ARHGAP6: variants seen among roughly 807,000 people sequenced by gnomAD.
ARHGAP6 encodes rho GTPase-activating protein 6.
In ARHGAP6, 16 loss-of-function variants were observed where a neutral mutation model predicts 55.7. That is an observed-to-expected ratio of 0.29 (90% CI 0.19 to 0.44). The LOEUF (loss-of-function observed/expected upper bound fraction) is 0.44, where lower values mean the gene tolerates loss of function less well. Ranked by LOEUF, ARHGAP6 falls within the 20% of genes least tolerant of loss-of-function variation. The pLI is 1.00. For missense variants in ARHGAP6, 698 were observed against 808.9 expected (o/e 0.86, Z 1.66); for synonymous variants, 382 against 360.9 (o/e 1.06, Z -0.66).
chrX:11,219,353 T>C (rs1602894478), intron 2 of ARHGAP6, among the ~76,000 whole-genome samples: 1 of 102,727 alleles, frequency 9.7e-6, no homozygotes, highest in Non-Finnish European at 2.0e-5. Context: ...AACATACGTG[T>C]GCATGTGTCT....
chrX:11,659,477 T>C (rs2052672899), intron 1 of ARHGAP6, among the ~76,000 whole-genome samples: 1 of 111,211 alleles, frequency 9.0e-6, no homozygotes, highest in East Asian at 2.8e-4. Flanking sequence ...TCCCACTAGA[T>C]GCCGGTAGGA....
chrX:11,212,874 G>C (rs1157650607), intron 2 of ARHGAP6, among the ~76,000 whole-genome samples: 1 of 112,536 alleles, frequency 8.9e-6, no homozygotes, highest in Admixed American at 9.3e-5. Context: ...GCTCCTCTGA[G>C]GGCCTGAGTC....
intron 1 of ARHGAP6, among the ~76,000 whole-genome samples, chrX:11,333,682 C>T (rs371433799): frequency 8.9e-6 from 1 of 111,785 alleles, no homozygotes; most frequent in East Asian, 2.8e-4. Flanking sequence ...GAAAAAGCAC[C>T]TTTTATTTTC....
At chrX:11,505,704 G>C (rs774225532) in intron 1 of ARHGAP6, among the ~76,000 whole-genome samples, 2 of 111,787 alleles carry the variant, frequency 1.8e-5, no homozygotes, top group South Asian at 7.6e-4. Flanking sequence ...ATACACCATG[G>C]AATACTATGC....
intron 9 of ARHGAP6, among the ~76,000 whole-genome samples, chrX:11,158,261 A>G (rs1171868543): frequency 8.9e-6 from 1 of 111,756 alleles, no homozygotes; most frequent in African/African-American, 3.3e-5. Context: ...AGGCAATGAA[A>G]ACCCTGGAGG....
intron 1 of ARHGAP6, among the ~76,000 whole-genome samples, chrX:11,320,534 T>C (rs1273035743): frequency 9.1e-6 from 1 of 110,338 alleles, no homozygotes; most frequent in Admixed American, 9.7e-5. Context: ...ACAGATGAAG[T>C]CACAGCAAAG....
At chrX:11,428,083 T>G (rs2049907719) in intron 1 of ARHGAP6, among the ~76,000 whole-genome samples, 1 of 112,535 alleles carries the variant, frequency 8.9e-6, no homozygotes, top group Non-Finnish European at 1.9e-5. Flanking sequence ...AAGCCTTTAA[T>G]GCCAGCGAGA....
At position 11,590,869 on chromosome X, in the gene ARHGAP6, G is replaced by GAAAAGAAAGAAGGAAAGAAAGAAAGAAA. The variant is rs2051813205; in HGVS notation, c.588+73371_588+73372insTTTCTTTCTTTCTTTCCTTCTTTCTTTT. 2.1e-4 allele frequency among the ~76,000 whole-genome samples: 5 copies of GAAAAGAAAGAAGGAAAGAAAGAAAGAAA among 24,221 alleles called. 1 individual carries two copies. The highest frequency in any genetic ancestry group is 1.1e-3 in the African/African-American group (5 of 4,716). 21.0% of individuals were successfully genotyped at this position (24,221 alleles called of 115,157 possible). A position where few individuals can be genotyped will look rare whatever the true frequency, so the allele number is the denominator to read the frequency against. ...AAGAAAAGAAAAGAAAAGAAAAGAA[G>GAAAAGAAAGAAGGAAAGAAAGAAAGAAA]GAAAGAAAGAAAGAAAGAAAGAAAG... On this transcript the variant is annotated intron_variant, in intron 1 of 12. Coordinates refer to ENST00000337414, the MANE Select transcript of ARHGAP6 (RefSeq NM_013427.3).
chrX:11,409,697 A>T (rs2049656916), intron 1 of ARHGAP6, among the ~76,000 whole-genome samples: 1 of 112,993 alleles, frequency 8.9e-6, no homozygotes, highest in African/African-American at 3.2e-5. Flanking sequence ...TAAAAGGAGG[A>T]CTACAAAAAA....
chrX:11,497,263 G>A (rs1043625233), intron 1 of ARHGAP6, among the ~76,000 whole-genome samples: 1 of 111,993 alleles, frequency 8.9e-6, no homozygotes, highest in Non-Finnish European at 1.9e-5. Flanking sequence ...ATATAGATAA[G>A]ATTTCTGAAC....
At chrX:11,257,327 GA>G (rs991669158) in intron 1 of ARHGAP6, among the ~76,000 whole-genome samples, 2 of 112,181 alleles carry the variant, frequency 1.8e-5, no homozygotes, top group Non-Finnish European at 3.8e-5. Context: ...GTAGGGGTTT[GA>G]CAATCTTTTT....
chrX:11,188,230 AAGAGGATATAT>A (rs1170748133), intron 4 of ARHGAP6, among the ~76,000 whole-genome samples: 1 of 111,515 alleles, frequency 9.0e-6, no homozygotes, highest in Non-Finnish European at 1.9e-5. Flanking sequence ...GAGTATTTGA[AAGAGGATATAT>A]AGAGGATTCT....
chrX:11,442,814 GA>G (rs1411603940), intron 1 of ARHGAP6, among the ~76,000 whole-genome samples: 12 of 111,784 alleles, frequency 1.1e-4, no homozygotes, highest in African/African-American at 3.6e-4. Context: ...TTCCATTTGT[GA>G]ATAAGACTAG....
At chrX:11,518,468 T>C (rs1022024913) in intron 1 of ARHGAP6, among the ~76,000 whole-genome samples, 1 of 97,316 alleles carries the variant, frequency 1.0e-5, no homozygotes, top group African/African-American at 4.0e-5. Flanking sequence ...TTTTCTTTTT[T>C]TTTTTTTTTT....
At chrX:11,144,375 T>A (rs926222962) in intron 10 of ARHGAP6, 127 bp from the exon 11 acceptor site, 1 of 916,930 alleles carries the variant, frequency 1.1e-6, no homozygotes, top group Non-Finnish European at 1.5e-6. Context: ...AAAAAGACCA[T>A]TTTGAGCAAT....
chrX:11,359,278 T>C (rs1005803687), intron 1 of ARHGAP6, among the ~76,000 whole-genome samples: 5 of 112,147 alleles, frequency 4.5e-5, no homozygotes, highest in African/African-American at 1.6e-4. Context: ...CAATCTGAAT[T>C]AGTGACACCA....
chrX:11,184,139 T>C (rs2046355886), intron 5 of ARHGAP6, among the ~76,000 whole-genome samples: 1 of 112,324 alleles, frequency 8.9e-6, no homozygotes. Context: ...TATATAAAGA[T>C]TGTTGTTGTT....
chrX:11,417,085 T>C (rs867148382), intron 1 of ARHGAP6, among the ~76,000 whole-genome samples: 3 of 80,658 alleles, frequency 3.7e-5, no homozygotes, highest in Non-Finnish European at 7.2e-5. Flanking sequence ...TATATATATA[T>C]ATATATATAT....
intron 1 of ARHGAP6, among the ~76,000 whole-genome samples, chrX:11,490,571 C>T (rs1159685322): frequency 9.0e-6 from 1 of 111,596 alleles, no homozygotes; most frequent in African/African-American, 3.3e-5. Flanking sequence ...GTATGGTAAG[C>T]CTCTAAGTTT....
Sources: gnomAD v4.1 joint callset for allele counts (sites outside exome capture counted in the v4.1 genomes callset) on GRCh38, gnomAD v4.1.1 for gene constraint, MANE v1.5 for transcripts, NCBI Gene and HGNC (gene_info 2026-07-23, HGNC 2026-07-21) for gene names.